E2F2: variants seen among roughly 807,000 people sequenced by gnomAD.
The protein encoded by E2F2 is transcription factor E2F2.
A neutral mutation model predicts 42.2 loss-of-function variants in E2F2; 22 were observed. The observed-to-expected ratio is 0.52, with a 90% CI of 0.37 to 0.74. E2F2 has a LOEUF of 0.74. Ranked by LOEUF, E2F2 falls within the 30% of genes least tolerant of loss-of-function variation. E2F2 has a pLI of 0.00. For synonymous variants in E2F2, 248 were observed against 251.6 expected (o/e 0.99, Z 0.13); for missense variants, 481 against 557.8 (o/e 0.86, Z 1.39).
chr1:23,523,616 CCT>C (rs1214456805), intron 2 of E2F2, among the ~76,000 whole-genome samples: 1 of 152,182 alleles, frequency 6.6e-6, no homozygotes, highest in Non-Finnish European at 1.5e-5. Flanking sequence ...TTATTCAGCT[CCT>C]TGTCTGCATG....
In E2F2 at chr1:23,531,134, C is replaced by T; in HGVS notation, c.-341G>A. 3.6e-6 allele frequency: 1 copy of T among 280,706 alleles called. No individual in the cohort carries two copies. Among genetic ancestry groups the T allele is most frequent in the Admixed American group, 5.2e-5 (1 of 19,050 alleles). The allele number at this position is 280,706 out of a possible 1,614,324, so 17.4% of individuals were successfully genotyped here. ...CTCTGGGGAGGGGTCCCCGGCGTGC[C>T]CTCAAGCTCGGCGGAGACGCGATGC... On this transcript the variant is annotated 5_prime_UTR_variant, in exon 1 of 7. Transcript: ENST00000361729.
chr1:23,509,733 C>T lies in E2F2; in HGVS notation c.*147G>A, dbSNP rs1642869775. 1 of 1,388,308 alleles carries T rather than the reference C, an allele frequency of 7.2e-7. No homozygotes were observed. Among genetic ancestry groups the T allele is most frequent in the African/African-American group, 1.5e-5 (1 of 67,700 alleles). 86.0% of individuals were successfully genotyped at this position (1,388,308 alleles called of 1,614,324 possible). A position where few individuals can be genotyped will look rare whatever the true frequency, so the allele number is the denominator to read the frequency against. On this transcript the variant is annotated 3_prime_UTR_variant, in exon 7 of 7. Transcript: ENST00000361729. Reference sequence around the variant, plus strand: ...CCATTCATATCTCCCCACACAGCTTCTGCCGGCTGGGGCAGGAAAGGCGAG... The same window carrying T: ...CCATTCATATCTCCCCACACAGCTTTTGCCGGCTGGGGCAGGAAAGGCGAG...
chr1:23,506,236 CTGGG>C (rs1383539362), downstream of E2F2, among the ~76,000 whole-genome samples: 1 of 152,108 alleles, frequency 6.6e-6, no homozygotes, highest in East Asian at 1.9e-4. Context: ...CATTTTAGAT[CTGGG>C]TGCTGCGAAC....
At position 23,510,158 on chromosome 1, in the gene E2F2, A is replaced by G. The variant is rs758120108; in HGVS notation, c.1046-10T>C. 51 of 1,585,646 alleles carry G rather than the reference A, an allele frequency of 3.2e-5. No individual in the cohort carries two copies. Among genetic ancestry groups the G allele is most frequent in the African/African-American group, 4.0e-5 (3 of 74,398 alleles). ...GGCGCTGGTGCTGGCACTGGAGACA[A>G]ACAGACAAAGGTTACGCCTGGCCCT... On this transcript the variant is annotated splice_polypyrimidine_tract_variant and intron_variant, in intron 6 of 6. Coordinates refer to ENST00000361729, the MANE Select transcript of E2F2 (RefSeq NM_004091.4).
chr1:23,511,587 C>T (rs1311598851), intron 6 of E2F2, among the ~76,000 whole-genome samples: 2 of 152,110 alleles, frequency 1.3e-5, no homozygotes. Context: ...CAGGGACATG[C>T]AATGAAGCAC....
intron 2 of E2F2, among the ~76,000 whole-genome samples, chr1:23,522,421 G>T (rs1159376251): frequency 3.3e-5 from 5 of 152,174 alleles, no homozygotes. Flanking sequence ...ACCCTGTAAG[G>T]GTTGCTGTAC....
At chr1:23,528,347 A>AAAGC (rs1643283116) in intron 1 of E2F2, among the ~76,000 whole-genome samples, 1 of 152,210 alleles carries the variant, frequency 6.6e-6, no homozygotes, top group African/African-American at 2.4e-5. Context: ...GCCCGGCCAC[A>AAAGC]AAGCAAGCGG....
chr1:23,524,104 C>CAACAAAA (rs1245087730), intron 2 of E2F2, among the ~76,000 whole-genome samples: 2 of 133,178 alleles, frequency 1.5e-5, no homozygotes, highest in African/African-American at 5.8e-5. Flanking sequence ...ACAACAACAA[C>CAACAAAA]AAAAAAAAAC....
chr1:23,529,527 C>G (rs1014246114), intron 1 of E2F2, among the ~76,000 whole-genome samples: 43 of 152,296 alleles, frequency 2.8e-4, no homozygotes, highest in African/African-American at 9.4e-4. Context: ...ACCAAACTCA[C>G]AACTAAGCAA....
chr1:23,519,360 A>G (rs1643091871), intron 4 of E2F2: 2 of 338,006 alleles, frequency 5.9e-6, no homozygotes, highest in African/African-American at 4.2e-5. Context: ...TACATTATAA[A>G]TCATAAAAAA....
rs759025765 is a variant in E2F2, at chr1:23,516,505, T to C, written c.875A>G (p.Lys292Arg). 6.2e-7 allele frequency: 1 copy of C among 1,607,352 alleles called. No individual in the cohort carries two copies. Among genetic ancestry groups the C allele is most frequent in the African/African-American group, 1.3e-5 (1 of 74,494 alleles). Residue 292 changes from lysine (K) to arginine (R), a missense_variant, in exon 6 of 7, where the codon AAG (lysine) becomes AGG (arginine). By Grantham distance (26) the Lys-to-Arg change is conservative. Transcript: ENST00000361729. ...RTEDNLQIYL[K>R]STQGPIEVYL... ...GACTTCGATGGGCCCTTGGGTGCTC[T>C]TGAGATATATCTGCAGGTTGTCCTG...
Position 23,509,685 on chromosome 1 carries a change from C to G in E2F2, c.*195G>C. On this transcript the variant is annotated 3_prime_UTR_variant, in exon 7 of 7. Coordinates refer to ENST00000361729, the MANE Select transcript of E2F2 (RefSeq NM_004091.4). ...CTTCCATTAGGAAGGTGAGGACCAC[C>G]CCTTATCCACTCCTCACCCGTACCA... is the stretch of plus-strand genomic sequence containing the variant. 9.2e-7 allele frequency: 1 copy of G among 1,085,642 alleles called. No individual in the cohort carries two copies. The allele number at this position is 1,085,642 out of a possible 1,614,324, so 67.3% of individuals were successfully genotyped here.
chr1:23,509,845 G>A lies in E2F2; in HGVS notation c.*35C>T. 1 of 1,520,590 alleles carries A rather than the reference G, an allele frequency of 6.6e-7. No homozygotes were observed. 94.2% of individuals were successfully genotyped at this position (1,520,590 alleles called of 1,614,324 possible). ...GTCAGCCTGTCTGTGAGGAGGTAGAGTCGGGGGCAGGCTGCTGGGGGCAGG... is the reference window on the plus strand; with the variant it reads ...GTCAGCCTGTCTGTGAGGAGGTAGAATCGGGGGCAGGCTGCTGGGGGCAGG... On this transcript the variant is annotated 3_prime_UTR_variant, in exon 7 of 7. Transcript: ENST00000361729.
chr1:23,513,562 A>ATGTGTGTGTG (rs71023281), intron 6 of E2F2, among the ~76,000 whole-genome samples: 2,486 of 135,200 alleles, frequency 0.018, 44 homozygotes, highest in Non-Finnish European at 0.026. Flanking sequence ...AGCACGGAAC[A>ATGTGTGTGTG]TGTGTGTGTG....
At chr1:23,513,158 ATCT>A (rs1173535818) in intron 6 of E2F2, among the ~76,000 whole-genome samples, 1 of 145,952 alleles carries the variant, frequency 6.9e-6, no homozygotes, top group Admixed American at 7.0e-5. Flanking sequence ...ATGCCATGTC[ATCT>A]TCTATAACCC....
At position 23,530,770 on chromosome 1, in the gene E2F2, C is replaced by G; in HGVS notation, c.24G>C (p.Leu8Phe). The change falls in exon 1 of 7, where the codon TTG (leucine) becomes TTC (phenylalanine). Residue 8 changes from leucine (L) to phenylalanine (F), a missense_variant. Transcript: ENST00000361729. This position sits in a 1 kb window ranked among gnomAD's most constrained non-coding sequence, Gnocchi z 4.4. MLQGPRALASAAGQTPKV... is the reference protein window; with the variant it reads MLQGPRAFASAAGQTPKV... ...TCGGGGTCTGCCCAGCGGCCGAAGC[C>G]AAGGCCCGGGGCCCTTGCAGCATAG... 1 of 1,564,672 alleles carries G rather than the reference C, an allele frequency of 6.4e-7. No homozygotes were observed. Among genetic ancestry groups the G allele is most frequent in the Non-Finnish European group, 8.7e-7 (1 of 1,153,182 alleles).
chr1:23,520,968 T>C lies in E2F2; in HGVS notation c.682A>G (p.Ile228Val), dbSNP rs1643131731. ...TTGAAGCTCAGAGAGCAGCTCTGGA[T>C]GAGCTGGTCCAAGGCCTGCTCCGTG... The part of the protein sequence containing the change: ...MNTEQALDQL[I>V]QSCSLSFKHL... The change falls in exon 4 of 7, where the codon ATC becomes GTC. Residue 228 changes from isoleucine (I) to valine (V), a missense_variant. Transcript: ENST00000361729. 6.2e-7 allele frequency: 1 copy of C among 1,604,950 alleles called. No individual in the cohort carries two copies. Among genetic ancestry groups the C allele is most frequent in the African/African-American group, 1.3e-5 (1 of 74,820 alleles).
In E2F2 at chr1:23,530,845, T is replaced by A; in HGVS notation, c.-52A>T. The stretch of plus-strand genomic sequence containing the variant: ...AGGGCTTGGCGCGCCCGCGGACACC[T>A]GCGGGTTCCGGTGCTGCCGCCTTTC... On this transcript the variant is annotated 5_prime_UTR_variant, in exon 1 of 7. Transcript: ENST00000361729. The surrounding 1 kb of genome is among the most constrained non-coding windows in gnomAD (Gnocchi z 4.4). 1.4e-6 allele frequency: 2 copies of A among 1,426,446 alleles called. No individual in the cohort carries two copies. Among genetic ancestry groups the A allele is most frequent in the Non-Finnish European group, 1.8e-6 (2 of 1,091,026 alleles). 88.4% of individuals were successfully genotyped at this position (1,426,446 alleles called of 1,614,324 possible). A position where few individuals can be genotyped will look rare whatever the true frequency, so the allele number is the denominator to read the frequency against.
intron 5 of E2F2, among the ~76,000 whole-genome samples, chr1:23,518,560 C>G (rs1012256782): frequency 5.9e-5 from 9 of 152,054 alleles, no homozygotes; most frequent in Non-Finnish European, 1.2e-4. Context: ...AAACTGCAGA[C>G]AGGTCAGTGT....
Sources: allele counts gnomAD v4.1 joint callset (sites outside exome capture counted in the v4.1 genomes callset), GRCh38; gene constraint gnomAD v4.1.1; non-coding constraint Gnocchi (gnomAD v3.1); transcripts MANE v1.5; gene names NCBI Gene and HGNC (gene_info 2026-07-23, HGNC 2026-07-21).